The following HMGXB4 variants were observed in gnomAD, a reference collection of about 807,000 sequenced individuals.
HMGXB4 encodes the protein HMG domain-containing protein 4.
Under a neutral mutation model 63.9 loss-of-function variants are expected in HMGXB4, and 27 were observed. The observed-to-expected ratio is 0.42, with a 90% CI of 0.31 to 0.58. The LOEUF is 0.58. Among genes scored for constraint, HMGXB4 ranks in the 20% least tolerant of loss-of-function variants. HMGXB4 has a pLI of 0.13. For synonymous variants in HMGXB4, 264 were observed against 265.3 expected (o/e 0.99, Z 0.05); for missense variants, 624 against 700.7 (o/e 0.89, Z 1.24).
the HMGXB4 span, among the ~76,000 whole-genome samples, chr22:35,248,399 G>A: frequency 0.024 from 3,367 of 142,072 alleles, 142 homozygotes; most frequent in African/African-American, 0.082. Context: ...GGGAGGTCGG[G>A]ACTTTTTTTT....
chr22:35,263,762 A>T, intron 3 of HMGXB4, 34 bp from the exon 4 acceptor site: 1 of 1,481,598 alleles, frequency 6.7e-7, no homozygotes, highest in Non-Finnish European at 9.4e-7. Flanking sequence ...TTGCCTCATC[A>T]TCTTATTATT....
chr22:35,262,868 A>G (rs369654023), intron 2 of HMGXB4: 1 of 592,884 alleles, frequency 1.7e-6, no homozygotes, highest in Non-Finnish European at 2.9e-6. Context: ...GCATGGAAAC[A>G]TTGTTTCTTC....
At chr22:35,276,897 T>G (rs550033595) in intron 5 of HMGXB4, among the ~76,000 whole-genome samples, 19 of 152,352 alleles carry the variant, frequency 1.2e-4, no homozygotes, top group Admixed American at 4.6e-4. Context: ...CACCCTATCC[T>G]CCTTCACCAC....
At chr22:35,275,447 G>A (rs969523508) in intron 5 of HMGXB4, among the ~76,000 whole-genome samples, 2 of 152,132 alleles carry the variant, frequency 1.3e-5, no homozygotes, top group Non-Finnish European at 2.9e-5. Context: ...AGAATCATAA[G>A]CAGTATTGTG....
intron 5 of HMGXB4, among the ~76,000 whole-genome samples, chr22:35,277,851 T>C (rs1264456258): frequency 1.3e-5 from 2 of 152,166 alleles, no homozygotes; most frequent in Non-Finnish European, 2.9e-5. Context: ...GAACCTACAT[T>C]GACACATCAT....
chr22:35,268,177 C>G (rs1030202556), intron 5 of HMGXB4, among the ~76,000 whole-genome samples: 5 of 152,204 alleles, frequency 3.3e-5, no homozygotes, highest in Admixed American at 3.3e-4. Flanking sequence ...GTGATCAAAC[C>G]TCTATCAAGA....
chr22:35,283,224 C>T (rs1316006706), intron 5 of HMGXB4, among the ~76,000 whole-genome samples: 1 of 152,170 alleles, frequency 6.6e-6, no homozygotes, highest in Non-Finnish European at 1.5e-5. Flanking sequence ...GAAATCAAAA[C>T]CAGAGAAGCA....
the HMGXB4 span, among the ~76,000 whole-genome samples, chr22:35,246,323 A>G: frequency 5.9e-5 from 9 of 151,874 alleles, no homozygotes; most frequent in Admixed American, 2.0e-4. Context: ...CGCCCAGGAT[A>G]GAGTGCAGTG....
intron 5 of HMGXB4, among the ~76,000 whole-genome samples, chr22:35,282,610 CTCTT>C (rs1464650835): frequency 2.0e-5 from 3 of 152,170 alleles, no homozygotes; most frequent in Non-Finnish European, 4.4e-5. Context: ...TAAGTGATAA[CTCTT>C]TCTTTATTTT....
intron 5 of HMGXB4, among the ~76,000 whole-genome samples, chr22:35,270,462 A>G (rs904027446): frequency 6.6e-6 from 1 of 152,238 alleles, no homozygotes; most frequent in Non-Finnish European, 1.5e-5. Flanking sequence ...AATAAAAGGC[A>G]TAATGTAATG....
intron 4 of HMGXB4, 120 bp from the exon 5 acceptor site, chr22:35,264,528 C>A: frequency 1.4e-6 from 1 of 710,970 alleles, no homozygotes. Context: ...TAAAGGGTCT[C>A]CCTTCAAATC....
chr22:35,277,110 G>A (rs943815504), intron 5 of HMGXB4, among the ~76,000 whole-genome samples: 2 of 151,306 alleles, frequency 1.3e-5, no homozygotes, highest in African/African-American at 4.9e-5. Flanking sequence ...ACTCAACTCG[G>A]TTCTCTGCTC....
the HMGXB4 span, among the ~76,000 whole-genome samples, chr22:35,247,957 G>A: frequency 6.6e-6 from 1 of 152,212 alleles, no homozygotes; most frequent in South Asian, 2.1e-4. Context: ...ACCAGAGAGT[G>A]CACTTACACA....
chr22:35,265,573 G>A lies in HMGXB4; in HGVS notation c.1185G>A (p.Glu395=), dbSNP rs1923182148. 6.3e-7 allele frequency: 1 copy of A among 1,595,888 alleles called. No individual in the cohort carries two copies. Among genetic ancestry groups the A allele is most frequent in the Non-Finnish European group, 8.5e-7 (1 of 1,173,878 alleles). The change falls in exon 5 of 11, where the codon GAG becomes GAA. Residue 395 remains glutamate (E), a synonymous_variant. Coordinates refer to ENST00000216106, the MANE Select transcript of HMGXB4 (RefSeq NM_001003681.3). ...GHSEKKKKKE[E]KDKERERGEK... ...GTGAAAAAAAAAAGAAAAAAGAAGA[G>A]AAGGACAAAGAGAGAGAGAGAGGAG...
intron 5 of HMGXB4, among the ~76,000 whole-genome samples, chr22:35,283,619 A>G (rs569771963): frequency 1.3e-5 from 2 of 152,106 alleles, no homozygotes; most frequent in South Asian, 2.1e-4. Flanking sequence ...GTGAAACCCC[A>G]TCTCTACTAA....
At chr22:35,267,423 T>G (rs1365009646) in intron 5 of HMGXB4, among the ~76,000 whole-genome samples, 1 of 152,146 alleles carries the variant, frequency 6.6e-6, no homozygotes, top group Admixed American at 6.5e-5. Context: ...GTGCTGAATG[T>G]CGGAGCACAG....
At chr22:35,259,318 G>A (rs1922685999) in intron 1 of HMGXB4, among the ~76,000 whole-genome samples, 2 of 152,042 alleles carry the variant, frequency 1.3e-5, no homozygotes, top group Non-Finnish European at 2.9e-5. Context: ...TTGCCTCTTG[G>A]AGTTGACAAC....
chr22:35,253,872 G>A (rs144762726), upstream of HMGXB4, among the ~76,000 whole-genome samples: 26 of 152,246 alleles, frequency 1.7e-4, no homozygotes, highest in African/African-American at 5.8e-4. Context: ...TTTTCTACTG[G>A]TCTCTTTATT....
rs145063960 is a variant in HMGXB4 at position 35,291,636 on chromosome 22, C to A, written c.1639-1356C>A. Among the ~76,000 whole-genome samples the A allele has an allele frequency of 2.4e-4, 36 of 152,204 alleles. 1 individual carries two copies. In the East Asian group the frequency reaches 6.7e-3, roughly 29 times the overall value. ...TTTTTGGGGTTTTAGCTATTATCTT[C>A]CCTGTATACTAATGTTTTATTGAAG... On this transcript the variant is annotated intron_variant, in intron 9 of 10. Transcript: ENST00000216106.
Sources: gnomAD v4.1 joint callset for allele counts (sites outside exome capture counted in the v4.1 genomes callset) on GRCh38, gnomAD v4.1.1 for gene constraint, MANE v1.5 for transcripts, NCBI Gene and HGNC (gene_info 2026-07-23, HGNC 2026-07-21) for gene names.